The following ARHGAP10 variants were observed in gnomAD, a reference collection of about 807,000 sequenced individuals.
ARHGAP10 encodes the protein Rho GTPase activating protein 10, also known as rho GTPase-activating protein 10.
In ARHGAP10, 87 loss-of-function variants were observed where a neutral mutation model predicts 108.6. The ratio of observed to expected loss-of-function variants is 0.80; its 90% CI spans 0.67 to 0.96. The LOEUF (loss-of-function observed/expected upper bound fraction) is 0.96, where lower values mean the gene tolerates loss of function less well. Ranked by LOEUF, ARHGAP10 falls within the 40% of genes least tolerant of loss-of-function variation. The pLI is 0.00. For missense variants in ARHGAP10, 939 were observed against 954.5 expected, an observed-to-expected ratio of 0.98 and a Z score of 0.21; for synonymous variants, 347 against 341.1, an observed-to-expected ratio of 1.02 and a Z score of -0.19.
intron 6 of ARHGAP10, 42 bp from the exon 7 acceptor site, chr4:147,866,670 G>C (rs748514444): frequency 1.4e-6 from 2 of 1,446,576 alleles, no homozygotes; most frequent in Admixed American, 1.9e-5. Flanking sequence ...TTTTTCTCCT[G>C]AGTTTTTTTG....
At chr4:147,745,877 C>T (rs1356631600) in intron 1 of ARHGAP10, among the ~76,000 whole-genome samples, 3 of 149,386 alleles carry the variant, frequency 2.0e-5, no homozygotes, top group Admixed American at 6.8e-5. Context: ...ACCTCCACTT[C>T]CCAGGTTCAA....
intron 3 of ARHGAP10, among the ~76,000 whole-genome samples, chr4:147,831,294 A>G (rs1308936470): frequency 6.6e-6 from 1 of 152,248 alleles, no homozygotes; most frequent in Admixed American, 6.5e-5. Context: ...TCATTTCCAA[A>G]GGATTTGAGA....
chr4:147,754,505 A>G (rs1729290231), intron 1 of ARHGAP10, among the ~76,000 whole-genome samples: 1 of 152,224 alleles, frequency 6.6e-6, no homozygotes, highest in South Asian at 2.1e-4. Flanking sequence ...AACTGCCTCC[A>G]GATAGAAAGA....
chr4:147,753,817 G>A (rs1450889774), intron 1 of ARHGAP10, among the ~76,000 whole-genome samples: 2 of 152,192 alleles, frequency 1.3e-5, no homozygotes, highest in Non-Finnish European at 2.9e-5. Flanking sequence ...TGGGATGAGA[G>A]TGAGAGAGTA....
At position 147,879,484 on chromosome 4, in the gene ARHGAP10, G is replaced by GTGAAA; in HGVS notation, c.939+149_939+153dup. 1.6e-5 allele frequency: 11 copies of GTGAAA among 681,412 alleles called. No homozygotes were observed. In the South Asian group the frequency reaches 3.0e-4, roughly 18 times the overall value. 42.2% of individuals were successfully genotyped at this position (681,412 alleles called of 1,614,324 possible). A position where few individuals can be genotyped will look rare whatever the true frequency, so the allele number is the denominator to read the frequency against. ...ATTAAAATCTTTGTTTTGTTTTTGA[G>GTGAAA]TGAAATGGGCCAGAAGACAGAACAA... On this transcript the variant is annotated intron_variant, in intron 9 of 22. Transcript: ENST00000336498.
At chr4:147,780,755 C>T (rs1282533800) in intron 1 of ARHGAP10, among the ~76,000 whole-genome samples, 1 of 152,034 alleles carries the variant, frequency 6.6e-6, no homozygotes, top group Non-Finnish European at 1.5e-5. Context: ...CATGGGGTGA[C>T]AGAAAAGGCA....
Position 148,047,253 on chromosome 4 carries a change from A to AGGG in ARHGAP10, c.2027+204_2027+206dup, listed in dbSNP as rs1728930256. 2.0e-5 allele frequency among the ~76,000 whole-genome samples: 3 copies of AGGG among 152,266 alleles called. No individual in the cohort carries two copies. The South Asian group carries it at 6.2e-4, about 32-fold the overall frequency. On this transcript the variant is annotated intron_variant, in intron 20 of 22. Coordinates refer to ENST00000336498, the MANE Select transcript of ARHGAP10 (RefSeq NM_024605.4). ...ATACTGTCTGTGTTTCTAGTATGGA[A>AGGG]GGGGTAGCTGGATGCTATGTCAAAT...
At chr4:147,784,445 TTATA>T (rs1730720291) in intron 1 of ARHGAP10, among the ~76,000 whole-genome samples, 1 of 128,776 alleles carries the variant, frequency 7.8e-6, no homozygotes, top group Non-Finnish European at 1.6e-5. Context: ...AATATATAAG[TTATA>T]TATGATATAT....
chr4:147,871,768 C>G (rs190981237), intron 7 of ARHGAP10, among the ~76,000 whole-genome samples: 1 of 152,060 alleles, frequency 6.6e-6, no homozygotes, highest in African/African-American at 2.4e-5. Flanking sequence ...TGATTTTATG[C>G]AAAGTTTTCA....
intron 13 of ARHGAP10, among the ~76,000 whole-genome samples, chr4:147,938,272 G>A (rs1199745483): frequency 6.6e-6 from 1 of 152,106 alleles, no homozygotes; most frequent in Non-Finnish European, 1.5e-5. Context: ...ACTAGGCTTA[G>A]TACCTGGGTG....
chr4:147,886,732 G>A (rs763252346), intron 10 of ARHGAP10, among the ~76,000 whole-genome samples: 13 of 152,032 alleles, frequency 8.6e-5, no homozygotes, highest in East Asian at 1.9e-4. Flanking sequence ...AACAATAGGC[G>A]GCCATTCATG....
intron 14 of ARHGAP10, among the ~76,000 whole-genome samples, chr4:147,944,151 A>G (rs1340111450): frequency 6.6e-6 from 1 of 152,220 alleles, no homozygotes; most frequent in Non-Finnish European, 1.5e-5. Flanking sequence ...ATATTCAGTT[A>G]CTGAAGTAAT....
In ARHGAP10 at chr4:147,875,046, G is replaced by T. The variant is rs752285517; in HGVS notation, c.728G>T (p.Arg243Met). 6.2e-7 allele frequency: 1 copy of T among 1,604,280 alleles called. No individual in the cohort carries two copies. Among genetic ancestry groups the T allele is most frequent in the Non-Finnish European group, 8.5e-7 (1 of 1,177,560 alleles). Residue 243 changes from arginine to methionine, a missense_variant, in exon 8 of 23, where the codon AGG (arginine) becomes ATG (methionine). Physicochemically the swap from Arg to Met is moderately conservative, Grantham distance 91. Coordinates refer to ENST00000336498, the MANE Select transcript of ARHGAP10 (RefSeq NM_024605.4). ...QNTRNRFEGTRSEVEELMNKI... is the reference protein window; with the variant it reads ...QNTRNRFEGTMSEVEELMNKI... ...ACACGGAATCGATTTGAAGGAACAA[G>T]GTCAGAAGTGGAAGAGCTCATGAAC...
At chr4:147,822,274 G>A (rs1732532545) in intron 1 of ARHGAP10, among the ~76,000 whole-genome samples, 2 of 152,172 alleles carry the variant, frequency 1.3e-5, no homozygotes, top group Admixed American at 1.3e-4. Context: ...TTGGTTAAGA[G>A]CAGCTGGTTG....
At chr4:147,764,629 G>A (rs1049204351) in intron 1 of ARHGAP10, among the ~76,000 whole-genome samples, 2 of 152,140 alleles carry the variant, frequency 1.3e-5, no homozygotes, top group Non-Finnish European at 2.9e-5. Context: ...CGCCTCTTGG[G>A]TTCAAGGGAT....
intron 1 of ARHGAP10, among the ~76,000 whole-genome samples, chr4:147,761,222 A>G (rs979643454): frequency 6.6e-6 from 1 of 151,744 alleles, no homozygotes; most frequent in South Asian, 2.1e-4. Flanking sequence ...TTGCTATGTT[A>G]CCCATTCTGG....
chr4:148,059,624 C>T (rs968185745), intron 20 of ARHGAP10, among the ~76,000 whole-genome samples: 2 of 152,060 alleles, frequency 1.3e-5, no homozygotes, highest in Non-Finnish European at 2.9e-5. Flanking sequence ...CTGGGGCTCT[C>T]CCCTGAACCA....
intron 4 of ARHGAP10, among the ~76,000 whole-genome samples, chr4:147,853,798 G>T (rs1381134744): frequency 2.6e-5 from 4 of 151,652 alleles, no homozygotes; most frequent in African/African-American, 9.7e-5. Flanking sequence ...TTGCTTAGAA[G>T]ATCCTTCTCT....
At chr4:147,979,427 C>G (rs538041277) in intron 18 of ARHGAP10, among the ~76,000 whole-genome samples, 1 of 152,162 alleles carries the variant, frequency 6.6e-6, no homozygotes, top group African/African-American at 2.4e-5. Context: ...TTTTTGTGCC[C>G]ATACTATGCT....
Sources: allele counts gnomAD v4.1 joint callset (sites outside exome capture counted in the v4.1 genomes callset), GRCh38; gene constraint gnomAD v4.1.1; transcripts MANE v1.5; gene names NCBI Gene and HGNC (gene_info 2026-07-23, HGNC 2026-07-21).